Variants in LRP1B observed in about 807,000 individuals in gnomAD.
LRP1B encodes low-density lipoprotein receptor-related protein 1B.
A neutral mutation model predicts 556.6 loss-of-function variants in LRP1B; 217 were observed. That is an observed-to-expected ratio of 0.39 (90% CI 0.35 to 0.44). The LOEUF (loss-of-function observed/expected upper bound fraction) is 0.44. Among genes scored for constraint, LRP1B ranks in the 20% least tolerant of loss-of-function variants. The probability of loss-of-function intolerance (pLI) is 1.00; values close to 1 mark genes in which losing one functional copy is unlikely to be tolerated. For missense variants in LRP1B, 5,053 were observed against 5,620.8 expected (o/e 0.90, Z 3.23); for synonymous variants, 2,047 against 1,865.8 (o/e 1.10, Z -2.50).
At chr2:141,299,587 A>C (rs536894250) in intron 3 of LRP1B, among the ~76,000 whole-genome samples, 1 of 152,302 alleles carries the variant, frequency 6.6e-6, no homozygotes, top group African/African-American at 2.4e-5. Flanking sequence ...CAGAGTCATA[A>C]GTCATTGAAA....
intron 2 of LRP1B, among the ~76,000 whole-genome samples, chr2:141,738,654 G>T (rs1261899455): frequency 1.3e-5 from 2 of 152,142 alleles, no homozygotes; most frequent in African/African-American, 2.4e-5. Context: ...CATGGTTAAA[G>T]TTAGATTTAA....
chr2:140,596,245 C>A (rs1225877537), intron 43 of LRP1B, among the ~76,000 whole-genome samples: 1 of 152,076 alleles, frequency 6.6e-6, no homozygotes, highest in Non-Finnish European at 1.5e-5. Flanking sequence ...GCTTTGATGA[C>A]CCCAGCTTCA....
At chr2:141,149,606 C>T (rs1220403213) in intron 7 of LRP1B, among the ~76,000 whole-genome samples, 1 of 151,982 alleles carries the variant, frequency 6.6e-6, no homozygotes, top group Non-Finnish European at 1.5e-5. Context: ...AATGGCAAAC[C>T]CCTGCCCAAG....
At chr2:141,577,992 G>A (rs192267210) in intron 2 of LRP1B, among the ~76,000 whole-genome samples, 21 of 152,214 alleles carry the variant, frequency 1.4e-4, no homozygotes, top group African/African-American at 4.6e-4. Flanking sequence ...TAAAGTGTCT[G>A]TCCAATTGTA....
At chr2:141,601,355 G>C (rs1687732587) in intron 2 of LRP1B, among the ~76,000 whole-genome samples, 1 of 152,074 alleles carries the variant, frequency 6.6e-6, no homozygotes, top group Admixed American at 6.6e-5. Flanking sequence ...GTACCTATAA[G>C]TACCATATCT....
chr2:140,303,173 C>T (rs1683915885), intron 83 of LRP1B, among the ~76,000 whole-genome samples: 1 of 151,140 alleles, frequency 6.6e-6, no homozygotes, highest in Admixed American at 6.6e-5. Flanking sequence ...AAATTCTTTA[C>T]ATATATCTTC....
rs150131378 is a variant in LRP1B at position 140,342,535 on chromosome 2, T to C, written c.11893-6697A>G. On this transcript the variant is annotated intron_variant, in intron 77 of 90. Transcript: ENST00000389484. ...AAATAAAAAATGCAAGATTTTCAAA[T>C]AATTTTTAAATGAATGACTGTGGAG... Among the ~76,000 whole-genome samples, 224 of 151,732 alleles carry C rather than the reference T, an allele frequency of 1.5e-3. 1 individual carries two copies. Among genetic ancestry groups the C allele is most frequent in the African/African-American group, 4.8e-3 (200 of 41,514 alleles).
intron 2 of LRP1B, among the ~76,000 whole-genome samples, chr2:141,575,969 G>A (rs1007859833): frequency 6.6e-6 from 1 of 152,128 alleles, no homozygotes; most frequent in Non-Finnish European, 1.5e-5. Context: ...GGAGAAATAG[G>A]AATGCTTTTA....
intron 28 of LRP1B, 60 bp downstream of exon 28, chr2:140,851,592 A>G (rs1692457024): frequency 4.5e-6 from 7 of 1,564,492 alleles, no homozygotes; most frequent in Non-Finnish European, 6.1e-6. Flanking sequence ...CTGAATGCTA[A>G]TATAATTTGA....
intron 3 of LRP1B, among the ~76,000 whole-genome samples, chr2:141,452,921 T>A (rs1681477418): frequency 6.6e-6 from 1 of 152,156 alleles, no homozygotes; most frequent in Non-Finnish European, 1.5e-5. Context: ...AAGGCCTGTT[T>A]TATATAAGTC....
Position 140,400,163 on chromosome 2 carries a change from T to A in LRP1B, c.10415-14154A>T, listed in dbSNP as rs372677292. On this transcript the variant is annotated intron_variant, in intron 66 of 90. Transcript: ENST00000389484. Reference sequence around the variant, plus strand: ...ATCTACACTCCTTGATATTCACCATTTCTGTCCACACTAAGCAAATGGCTT... The same window carrying A: ...ATCTACACTCCTTGATATTCACCATATCTGTCCACACTAAGCAAATGGCTT... 9.2e-5 allele frequency among the ~76,000 whole-genome samples: 14 copies of A among 152,238 alleles called. No individual in the cohort carries two copies. In the East Asian group the frequency reaches 2.7e-3, roughly 30 times the overall value.
In LRP1B at chr2:140,965,035, A is replaced by C. The variant is rs571649210; in HGVS notation, c.2888-13095T>G. Among the ~76,000 whole-genome samples, 11 of 152,344 alleles carry C rather than the reference A, an allele frequency of 7.2e-5. No homozygotes were observed. The East Asian group carries it at 1.9e-3, about 27-fold the overall frequency. Reference sequence around the variant, plus strand: ...TGAAAGAAGTTCAATGGAGTGGCAGAGACTCAATAACCATCAGGATAAGGT... The same window carrying C: ...TGAAAGAAGTTCAATGGAGTGGCAGCGACTCAATAACCATCAGGATAAGGT... On this transcript the variant is annotated intron_variant, in intron 18 of 90. Coordinates refer to ENST00000389484, the MANE Select transcript of LRP1B (RefSeq NM_018557.3).
chr2:141,658,240 C>T (rs2105390713), intron 2 of LRP1B, among the ~76,000 whole-genome samples: 1 of 152,264 alleles, frequency 6.6e-6, no homozygotes, highest in African/African-American at 2.4e-5. Context: ...CCTATACACA[C>T]CACATAGAGA....
chr2:141,061,877 T>C (rs1356222855), intron 8 of LRP1B, among the ~76,000 whole-genome samples, 174 bp downstream of exon 8: 1 of 151,852 alleles, frequency 6.6e-6, no homozygotes, highest in African/African-American at 2.4e-5. Context: ...TCCAATTTTG[T>C]GGAAATATCA....
At chr2:140,917,015 C>A (rs1320302044) in intron 21 of LRP1B, among the ~76,000 whole-genome samples, 1 of 152,114 alleles carries the variant, frequency 6.6e-6, no homozygotes. Context: ...ACCTAAGTGT[C>A]CTATTCTGGC....
chr2:140,319,743 C>G lies in LRP1B; in HGVS notation c.12640+2220G>C, dbSNP rs117098193. ...ACGCAGGCAGAACAGCTTTTGAGAA[C>G]GTGGTACTAACAATATTTGGAAATG... is the stretch of plus-strand genomic sequence containing the variant. On this transcript the variant is annotated intron_variant, in intron 82 of 90. Coordinates refer to ENST00000389484, the MANE Select transcript of LRP1B (RefSeq NM_018557.3). 1.6e-3 allele frequency among the ~76,000 whole-genome samples: 242 copies of G among 152,190 alleles called. 1 individual carries two copies. Among genetic ancestry groups the G allele is most frequent in the East Asian group, 0.015 (75 of 5,168 alleles).
intron 7 of LRP1B, among the ~76,000 whole-genome samples, chr2:141,067,517 T>C (rs1022575387): frequency 6.6e-6 from 1 of 152,046 alleles, no homozygotes; most frequent in South Asian, 2.1e-4. Context: ...CTGGCTATTC[T>C]ATATTCTGGA....
At chr2:141,136,639 A>G (rs1701500035) in intron 7 of LRP1B, among the ~76,000 whole-genome samples, 1 of 151,736 alleles carries the variant, frequency 6.6e-6, no homozygotes, top group African/African-American at 2.4e-5. Flanking sequence ...GCAAAAAAAA[A>G]AAAAAAATAC....
intron 20 of LRP1B, among the ~76,000 whole-genome samples, chr2:140,939,825 T>G (rs1394196083): frequency 6.6e-6 from 1 of 151,236 alleles, no homozygotes; most frequent in Non-Finnish European, 1.5e-5. Flanking sequence ...ACAGGTAAAA[T>G]TTTTTTTAGG....
Sources: gnomAD v4.1 joint callset for allele counts (sites outside exome capture counted in the v4.1 genomes callset) on GRCh38, gnomAD v4.1.1 for gene constraint, MANE v1.5 for transcripts, NCBI Gene and HGNC (gene_info 2026-07-23, HGNC 2026-07-21) for gene names.